The following PRDM16 variants were observed in gnomAD, a reference collection of about 807,000 sequenced individuals.
PRDM16 encodes histone-lysine N-methyltransferase PRDM16.
A neutral mutation model predicts 110.6 loss-of-function variants in PRDM16; 23 were observed. The ratio of observed to expected loss-of-function variants is 0.21; its 90% confidence interval spans 0.15 to 0.29. The LOEUF (loss-of-function observed/expected upper bound fraction) is 0.29. Ranked by LOEUF, PRDM16 falls within the 10% of genes least tolerant of loss-of-function variation. PRDM16 has a pLI of 1.00. For synonymous variants in PRDM16, 799 were observed against 781.8 expected (o/e 1.02, Z -0.37); for missense variants, 1,615 against 1,794.3 (o/e 0.90, Z 1.81).
intron 2 of PRDM16, 152 bp downstream of exon 2, chr1:3,186,626 C>T (rs543794645): frequency 8.0e-5 from 47 of 584,180 alleles, no homozygotes; most frequent in Non-Finnish European, 1.3e-4. Flanking sequence ...TTTTATCCTG[C>T]AGCTCGCCTG....
chr1:3,424,472 A>T (rs1638534771), intron 12 of PRDM16, among the ~76,000 whole-genome samples: 1 of 152,236 alleles, frequency 6.6e-6, no homozygotes, highest in Non-Finnish European at 1.5e-5. Context: ...AGGGTGTTAG[A>T]GTCCTGCTCT....
intron 3 of PRDM16, among the ~76,000 whole-genome samples, chr1:3,258,236 T>G (rs1640090324): frequency 6.6e-6 from 1 of 152,224 alleles, no homozygotes; most frequent in South Asian, 2.1e-4. Context: ...TTGCAGATTC[T>G]GAGGAGTCCC....
chr1:3,134,898 G>A (rs1014602891), intron 1 of PRDM16, among the ~76,000 whole-genome samples: 2 of 152,218 alleles, frequency 1.3e-5, no homozygotes. Flanking sequence ...AGAGCCCGGC[G>A]AGGGGATCGG....
In PRDM16 at chr1:3,244,301, G is replaced by A. The variant is rs781388534; in HGVS notation, c.438+164G>A. Among the ~76,000 whole-genome samples, 2 of 152,066 alleles carry A rather than the reference G, an allele frequency of 1.3e-5. No homozygotes were observed. The highest frequency in any genetic ancestry group is 2.9e-5 in the Non-Finnish European group (2 of 68,018). ...CTGTGGACTGACGTGTGCACAGGAC[G>A]GTGGCTTTGCTGTCATTAGGAGGGA... On this transcript the variant is annotated intron_variant, in intron 3 of 16. Transcript: ENST00000270722. This position sits in a 1 kb window ranked among gnomAD's most constrained non-coding sequence, Gnocchi z 4.1.
intron 1 of PRDM16, among the ~76,000 whole-genome samples, chr1:3,086,913 C>G (rs1002454622): frequency 6.6e-6 from 1 of 151,944 alleles, no homozygotes; most frequent in African/African-American, 2.4e-5. Context: ...GATGGAATTC[C>G]GCAATCTAAA....
intron 12 of PRDM16, among the ~76,000 whole-genome samples, chr1:3,420,333 G>A (rs576561109): frequency 6.4e-4 from 97 of 152,288 alleles, no homozygotes; most frequent in African/African-American, 1.0e-3. Flanking sequence ...GGAAAGTGCC[G>A]GCCATCCCCA....
chr1:3,215,939 T>C (rs964784181), intron 2 of PRDM16, among the ~76,000 whole-genome samples: 2 of 152,098 alleles, frequency 1.3e-5, no homozygotes, highest in African/African-American at 2.4e-5. Context: ...ATAAAAGAGA[T>C]GAGGCAAAAA....
chr1:3,111,649 G>T (rs887440869), intron 1 of PRDM16, among the ~76,000 whole-genome samples: 1 of 152,058 alleles, frequency 6.6e-6, no homozygotes, highest in Non-Finnish European at 1.5e-5. Context: ...AGGGGCGCAC[G>T]CCCCCTGGGG....
intron 3 of PRDM16, among the ~76,000 whole-genome samples, chr1:3,313,491 G>A (rs1641516300): frequency 6.6e-6 from 1 of 152,204 alleles, no homozygotes; most frequent in Admixed American, 6.5e-5. Context: ...CACCCCCACA[G>A]GCATCCAGGG....
intron 14 of PRDM16, among the ~76,000 whole-genome samples, chr1:3,426,663 T>C (rs933335730): frequency 6.6e-6 from 1 of 151,954 alleles, no homozygotes; most frequent in Non-Finnish European, 1.5e-5. Context: ...CATGCACACA[T>C]AGGTATGCCC....
At chr1:3,132,746 G>A (rs2100686446) in intron 1 of PRDM16, among the ~76,000 whole-genome samples, 1 of 152,310 alleles carries the variant, frequency 6.6e-6, no homozygotes, top group South Asian at 2.1e-4. Context: ...TGGAAGTAAA[G>A]TGACCCTTAT....
chr1:3,378,989 C>T (rs1643044332), intron 3 of PRDM16, among the ~76,000 whole-genome samples: 1 of 151,888 alleles, frequency 6.6e-6, no homozygotes, highest in African/African-American at 2.4e-5. Flanking sequence ...TGTGGTCAGG[C>T]ATCTCAGGGG....
At position 3,276,064 on chromosome 1, in the gene PRDM16, G is replaced by A. The variant is rs988795508; in HGVS notation, c.438+31927G>A. 4.6e-5 allele frequency among the ~76,000 whole-genome samples: 7 copies of A among 152,244 alleles called. 1 individual carries two copies. The highest frequency in any genetic ancestry group is 8.8e-5 in the Non-Finnish European group (6 of 68,040). On this transcript the variant is annotated intron_variant, in intron 3 of 16. Transcript: ENST00000270722. ...GGCTTTGGTCTCCGGACACCACGTC[G>A]TGTTGACAATTACCCACAGCCAGGA...
intron 2 of PRDM16, among the ~76,000 whole-genome samples, chr1:3,232,141 T>C (rs574101464): frequency 3.1e-4 from 47 of 152,334 alleles, no homozygotes; most frequent in African/African-American, 1.0e-3. Context: ...ATTGGAAACA[T>C]TCCTTATGTG....
At chr1:3,272,903 C>T (rs1173074189) in intron 3 of PRDM16, among the ~76,000 whole-genome samples, 1 of 152,216 alleles carries the variant, frequency 6.6e-6, no homozygotes, top group African/African-American at 2.4e-5. Flanking sequence ...CACTCCCCAG[C>T]CTGGGCTCTG....
At chr1:3,106,988 G>A (rs1642673918) in intron 1 of PRDM16, among the ~76,000 whole-genome samples, 1 of 152,252 alleles carries the variant, frequency 6.6e-6, no homozygotes, top group Non-Finnish European at 1.5e-5. Context: ...TGCCCCACCA[G>A]AGGCCAGGAT....
At chr1:3,252,569 C>T (rs1343805171) in intron 3 of PRDM16, among the ~76,000 whole-genome samples, 1 of 152,172 alleles carries the variant, frequency 6.6e-6, no homozygotes, top group Non-Finnish European at 1.5e-5. Flanking sequence ...CCCACCTTAT[C>T]TAAGAAGCCA....
chr1:3,418,145 C>A, intron 11 of PRDM16, 148 bp downstream of exon 11: 1 of 706,134 alleles, frequency 1.4e-6, no homozygotes, highest in South Asian at 1.9e-5. Flanking sequence ...TGCTTGAGGT[C>A]ATGCTTTGCA....
chr1:3,138,024 A>G (rs1174849962), intron 1 of PRDM16, among the ~76,000 whole-genome samples: 2 of 152,206 alleles, frequency 1.3e-5, no homozygotes, highest in Non-Finnish European at 2.9e-5. Flanking sequence ...CTGGCCAGGC[A>G]GGGGTGTCCT....
Sources: allele counts gnomAD v4.1 joint callset (sites outside exome capture counted in the v4.1 genomes callset), GRCh38; gene constraint gnomAD v4.1.1; non-coding constraint Gnocchi (gnomAD v3.1); transcripts MANE v1.5; gene names NCBI Gene and HGNC (gene_info 2026-07-23, HGNC 2026-07-21).